The following PHF14 variants were observed in gnomAD, a reference collection of about 807,000 sequenced individuals.
PHF14 encodes PHD finger protein 14.
In PHF14, 55 loss-of-function variants were observed where a neutral mutation model predicts 117.9. That is an observed-to-expected ratio of 0.47 (90% CI 0.38 to 0.58). PHF14 has a LOEUF of 0.58. PHF14 is among the 20% of genes least tolerant of loss of function. The pLI is 0.00. For synonymous variants in PHF14, 409 were observed against 368.6 expected, an observed-to-expected ratio of 1.11 and a Z score of -1.26; for missense variants, 978 against 1,122.2, an observed-to-expected ratio of 0.87 and a Z score of 1.84.
intron 6 of PHF14, among the ~76,000 whole-genome samples, chr7:11,026,702 G>A (rs1258279126): frequency 6.7e-6 from 1 of 148,394 alleles, no homozygotes; most frequent in Non-Finnish European, 1.5e-5. Context: ...CTAGTTGGCT[G>A]TTGTGGTTAG....
chr7:11,016,912 C>G (rs535286929), intron 5 of PHF14, among the ~76,000 whole-genome samples: 2 of 152,228 alleles, frequency 1.3e-5, no homozygotes, highest in South Asian at 4.2e-4. Flanking sequence ...CTATCCTTCC[C>G]AACGTCTAGT....
At chr7:11,113,349 TTTG>T (rs1380413408) in intron 17 of PHF14, among the ~76,000 whole-genome samples, 2 of 152,152 alleles carry the variant, frequency 1.3e-5, no homozygotes, top group African/African-American at 4.8e-5. Flanking sequence ...AGGTTTTAGT[TTTG>T]TTTTCTTCTC....
intron 17 of PHF14, among the ~76,000 whole-genome samples, chr7:11,119,976 A>G (rs1017074379): frequency 9.9e-5 from 15 of 151,928 alleles, no homozygotes; most frequent in Non-Finnish European, 1.8e-4. Context: ...GCCTTTTAAT[A>G]TATTCATTTT....
intron 13 of PHF14, among the ~76,000 whole-genome samples, chr7:11,048,920 A>T (rs893466573): frequency 6.6e-6 from 1 of 152,178 alleles, no homozygotes; most frequent in Non-Finnish European, 1.5e-5. Context: ...TTCAGGGTGT[A>T]ACATTTCTAT....
At chr7:11,061,012 C>A (rs1785206273) in intron 14 of PHF14, among the ~76,000 whole-genome samples, 1 of 152,050 alleles carries the variant, frequency 6.6e-6, no homozygotes, top group South Asian at 2.1e-4. Context: ...TGGGAATGTT[C>A]CTTGATCTCA....
At chr7:11,042,220 G>A (rs1401093964) in intron 12 of PHF14, among the ~76,000 whole-genome samples, 6 of 151,842 alleles carry the variant, frequency 4.0e-5, no homozygotes, top group Admixed American at 3.3e-4. Flanking sequence ...GTTGAAGACT[G>A]TTTGAAAGGT....
At chr7:11,013,617 T>TA (rs1232028375) in intron 4 of PHF14, 130 bp from the exon 5 acceptor site, 1 of 512,256 alleles carries the variant, frequency 2.0e-6, no homozygotes, top group Non-Finnish European at 3.5e-6. Flanking sequence ...TGTATTTTAA[T>TA]ACGTTTCTTA....
At chr7:11,162,636 C>T (rs1217218922) in intron 17 of PHF14, among the ~76,000 whole-genome samples, 1 of 151,502 alleles carries the variant, frequency 6.6e-6, no homozygotes, top group African/African-American at 2.4e-5. Context: ...TCCTTAGGGC[C>T]TTTTTTTCCC....
intron 2 of PHF14, among the ~76,000 whole-genome samples, chr7:10,976,766 G>C (rs1781880687): frequency 6.6e-6 from 1 of 150,892 alleles, no homozygotes. Context: ...AGTTTTGTTA[G>C]GTTGATATAT....
intron 16 of PHF14, chr7:11,104,826 T>C: frequency 1.3e-6 from 1 of 777,758 alleles, no homozygotes; most frequent in Non-Finnish European, 1.6e-6. Context: ...CAGCTGATGC[T>C]GATGCTACTG....
chr7:10,975,255 C>T (rs954667482), intron 2 of PHF14, among the ~76,000 whole-genome samples: 2 of 152,158 alleles, frequency 1.3e-5, no homozygotes, highest in African/African-American at 2.4e-5. Flanking sequence ...AAAGATATCC[C>T]GAAGTAGAAA....
At chr7:11,011,193 T>A (rs1393174121) in intron 4 of PHF14, among the ~76,000 whole-genome samples, 2 of 152,254 alleles carry the variant, frequency 1.3e-5, no homozygotes, top group Non-Finnish European at 2.9e-5. Flanking sequence ...GTTGGTAATT[T>A]AAAATTATTT....
At chr7:11,033,565 A>T (rs181809146) in intron 7 of PHF14, among the ~76,000 whole-genome samples, 1 of 152,190 alleles carries the variant, frequency 6.6e-6, no homozygotes, top group Non-Finnish European at 1.5e-5. Context: ...CAGGGTAGCC[A>T]TATGCCCAGT....
At chr7:11,082,180 A>C (rs6968425) in intron 16 of PHF14, among the ~76,000 whole-genome samples, 89,251 of 151,802 alleles carry the variant, frequency 0.59, 28,237 homozygotes, top group East Asian at 0.85. Context: ...CTTGTCTCTA[A>C]TAAAATTTTT....
chr7:11,060,121 C>A (rs1426757631), intron 14 of PHF14, among the ~76,000 whole-genome samples: 2 of 152,178 alleles, frequency 1.3e-5, no homozygotes, highest in Non-Finnish European at 2.9e-5. Flanking sequence ...AAGCAGTCTT[C>A]CCCGCTTAGC....
At position 11,133,948 on chromosome 7, in the gene PHF14, G is replaced by A. The variant is rs550780072; in HGVS notation, c.2772+22481G>A. Among the ~76,000 whole-genome samples, 3 of 152,142 alleles carry A rather than the reference G, an allele frequency of 2.0e-5. No individual in the cohort carries two copies. The East Asian group carries it at 5.8e-4, about 29-fold the overall frequency. The stretch of plus-strand genomic sequence containing the variant: ...GACTAACCTGGACCAGGTGACCCAA[G>A]TGAGGAATTTAAGGATATTAATCAC... On this transcript the variant is annotated intron_variant, in intron 17 of 17. Transcript: ENST00000634607.
At chr7:11,002,049 T>TA (rs1358121120) in intron 4 of PHF14, among the ~76,000 whole-genome samples, 2 of 152,036 alleles carry the variant, frequency 1.3e-5, no homozygotes, top group Admixed American at 1.3e-4. Flanking sequence ...GTTTTTTTTT[T>TA]ACTTGTTTGT....
At position 11,040,785 on chromosome 7, in the gene PHF14, GA is replaced by G; in HGVS notation, c.2180+13del. Reference sequence around the variant, plus strand: ...CTGCAGTACTTTATAGGCAAGTAATGAAATTAATAATGATAGAATAATGTTG... The same window carrying G: ...CTGCAGTACTTTATAGGCAAGTAATGAATTAATAATGATAGAATAATGTTG... On this transcript the variant is annotated intron_variant, in intron 12 of 17. Coordinates refer to ENST00000634607, the MANE Select transcript of PHF14 (RefSeq NM_001007157.2). 1.6e-6 allele frequency: 2 copies of G among 1,290,078 alleles called. No homozygotes were observed. Among genetic ancestry groups the G allele is most frequent in the Non-Finnish European group, 2.2e-6 (2 of 927,562 alleles). The allele number at this position is 1,290,078 out of a possible 1,614,324, so 79.9% of individuals were successfully genotyped here.
intron 17 of PHF14, among the ~76,000 whole-genome samples, chr7:11,134,703 G>T (rs1788170841): frequency 6.6e-6 from 1 of 152,004 alleles, no homozygotes; most frequent in Non-Finnish European, 1.5e-5. Context: ...TATTGGTTCA[G>T]TCTATCATTA....
Sources: gnomAD v4.1 joint callset for allele counts (sites outside exome capture counted in the v4.1 genomes callset) on GRCh38, gnomAD v4.1.1 for gene constraint, MANE v1.5 for transcripts, NCBI Gene and HGNC (gene_info 2026-07-23, HGNC 2026-07-21) for gene names.